Variants in CAB39L observed in about 807,000 individuals in gnomAD.
CAB39L encodes calcium binding protein 39 like, also known as calcium-binding protein 39-like.
CAB39L carries 23 observed loss-of-function variants against 39.1 expected under a neutral mutation model. The ratio of observed to expected loss-of-function variants is 0.59; its 90% CI spans 0.42 to 0.83. The LOEUF (loss-of-function observed/expected upper bound fraction) is 0.83, where lower values mean the gene tolerates loss of function less well. CAB39L is among the 40% of genes least tolerant of loss of function. CAB39L has a pLI of 0.00. For synonymous variants in CAB39L, 126 were observed against 137.2 expected (o/e 0.92, Z 0.57); for missense variants, 366 against 391.9 (o/e 0.93, Z 0.56).
At chr13:49,345,852 G>A (rs1269108170) in intron 7 of CAB39L, among the ~76,000 whole-genome samples, 1 of 151,804 alleles carries the variant, frequency 6.6e-6, no homozygotes, top group Non-Finnish European at 1.5e-5. Flanking sequence ...AGCGCACACA[G>A]CCCCAGTGGC....
At chr13:49,443,899 C>T in intron 1 of CAB39L, 87 bp downstream of exon 1, 2 of 456,728 alleles carry the variant, frequency 4.4e-6, no homozygotes, top group South Asian at 1.5e-5. Flanking sequence ...TCTCCGGACC[C>T]CTCCACTACG....
chr13:49,389,315 C>T, intron 3 of CAB39L, among the ~76,000 whole-genome samples: 1 of 152,154 alleles, frequency 6.6e-6, no homozygotes, highest in East Asian at 1.9e-4. Flanking sequence ...ATGGAACCAA[C>T]CTAAGTGTCC....
intron 5 of CAB39L, among the ~76,000 whole-genome samples, chr13:49,376,729 ATT>A (rs2138564537): frequency 6.6e-6 from 1 of 152,334 alleles, no homozygotes. Flanking sequence ...GTTACTTCTT[ATT>A]ATTACTTCTA....
At chr13:49,406,231 G>A (rs1956874813) in intron 3 of CAB39L, among the ~76,000 whole-genome samples, 1 of 148,462 alleles carries the variant, frequency 6.7e-6, no homozygotes, top group African/African-American at 2.5e-5. Flanking sequence ...GCAGTGGCGT[G>A]ATCTTGGCTC....
chr13:49,316,065 C>T (rs1954150280), intron 10 of CAB39L, among the ~76,000 whole-genome samples: 1 of 151,774 alleles, frequency 6.6e-6, no homozygotes, highest in Admixed American at 6.6e-5. Context: ...AATCAATGAA[C>T]CCAAAAGTTG....
In CAB39L at chr13:49,350,734, A is replaced by C; in HGVS notation, c.564+10T>G. On this transcript the variant is annotated intron_variant, in intron 7 of 10. Transcript: ENST00000409308. ...AAATTGACCTAGCTGAGTTGGAAAA[A>C]AAAAATTACCTTGAAAGTAGCAAAG... 6.5e-7 allele frequency: 1 copy of C among 1,530,774 alleles called. No individual in the cohort carries two copies. The allele number at this position is 1,530,774 out of a possible 1,614,324, so 94.8% of individuals were successfully genotyped here.
Position 49,443,495 on chromosome 13 carries a change from C to T in CAB39L, c.-246+491G>A, listed in dbSNP as rs147199782. On this transcript the variant is annotated intron_variant, in intron 1 of 10. Coordinates refer to ENST00000409308, the MANE Select transcript of CAB39L (RefSeq NM_001079670.3). ...TTAGCAGCCGCTCCCTCGAAAAGGA[C>T]GGAAGAGGAGGTCTCTTCTGAACCT... Among the ~76,000 whole-genome samples the T allele has an allele frequency of 2.3e-3, 350 of 152,260 alleles. 2 individuals are homozygous for T. The highest frequency in any genetic ancestry group is 8.1e-3 in the African/African-American group (337 of 41,554).
In CAB39L at chr13:49,419,214, C is replaced by T. The variant is rs143897535; in HGVS notation, c.-32+14104G>A. 2.5e-3 allele frequency among the ~76,000 whole-genome samples: 379 copies of T among 152,262 alleles called. 1 individual carries two copies. Among genetic ancestry groups the T allele is most frequent in the Admixed American group, 4.7e-3 (72 of 15,300 alleles). On this transcript the variant is annotated intron_variant, in intron 3 of 10. Transcript: ENST00000409308. Reference sequence around the variant, plus strand: ...AACTCCTGACCTCAAGTGATCCACCCGCCTCGGCCTCCCAAAGTGCTGGGA... The same window carrying T: ...AACTCCTGACCTCAAGTGATCCACCTGCCTCGGCCTCCCAAAGTGCTGGGA...
chr13:49,386,691 A>G (rs970416644), intron 3 of CAB39L, among the ~76,000 whole-genome samples: 8 of 152,048 alleles, frequency 5.3e-5, no homozygotes, highest in African/African-American at 1.9e-4. Context: ...TCATGCTCTT[A>G]AACTATGCTT....
chr13:49,437,981 C>G (rs191043371), intron 1 of CAB39L, among the ~76,000 whole-genome samples: 1 of 151,422 alleles, frequency 6.6e-6, no homozygotes, highest in Non-Finnish European at 1.5e-5. Flanking sequence ...TGTGCCACTA[C>G]GCCCAGTTAA....
At chr13:49,365,983 T>A (rs936042719) in intron 5 of CAB39L, among the ~76,000 whole-genome samples, 1 of 152,192 alleles carries the variant, frequency 6.6e-6, no homozygotes, top group African/African-American at 2.4e-5. Flanking sequence ...TAAAAAGGAA[T>A]GAGATTCTGT....
intron 10 of CAB39L, among the ~76,000 whole-genome samples, chr13:49,321,596 G>A (rs550979619): frequency 9.2e-5 from 14 of 152,316 alleles, no homozygotes; most frequent in East Asian, 3.9e-4. Context: ...GTGACTACAC[G>A]ACAGTATGGC....
Position 49,366,615 on chromosome 13 carries a change from G to A in CAB39L, c.277-6783C>T, listed in dbSNP as rs867039297. On this transcript the variant is annotated intron_variant, in intron 5 of 10. Coordinates refer to ENST00000409308, the MANE Select transcript of CAB39L (RefSeq NM_001079670.3). ...GCACTCCAGCCTGGGCAACAAGAGC[G>A]AAACTCTGTCTAAAAAAAAAAAAAA... 8.9e-3 allele frequency among the ~76,000 whole-genome samples: 769 copies of A among 86,064 alleles called. 7 individuals carry two copies. Among genetic ancestry groups the A allele is most frequent in the Middle Eastern group, 0.047 (3 of 64 alleles). The allele number at this position is 86,064 out of a possible 152,430, so 56.5% of individuals were successfully genotyped here. A position where few individuals can be genotyped will look rare whatever the true frequency, so the allele number is the denominator to read the frequency against.
chr13:49,333,800 C>T (rs1192569441), intron 9 of CAB39L, among the ~76,000 whole-genome samples: 3 of 151,860 alleles, frequency 2.0e-5, no homozygotes, highest in Admixed American at 6.6e-5. Flanking sequence ...TCTCGATCTC[C>T]TGACCTGGTG....
intron 6 of CAB39L, among the ~76,000 whole-genome samples, chr13:49,358,775 G>A (rs1037017597): frequency 6.6e-6 from 1 of 152,090 alleles, no homozygotes; most frequent in Non-Finnish European, 1.5e-5. Context: ...CAGGAGAACT[G>A]CTTGAACCCA....
chr13:49,396,181 A>T (rs907362501), intron 3 of CAB39L, among the ~76,000 whole-genome samples: 5 of 152,114 alleles, frequency 3.3e-5, no homozygotes, highest in African/African-American at 9.7e-5. Context: ...TTATATCTGA[A>T]GCCAAAAGAG....
chr13:49,328,152 G>T (rs9591253), intron 10 of CAB39L, among the ~76,000 whole-genome samples: 34,077 of 152,014 alleles, frequency 0.22, 3,906 homozygotes, highest in South Asian at 0.26. Context: ...GAGTTGAAGG[G>T]TATCCACAGC....
At chr13:49,382,675 C>A (rs1049722905) in intron 4 of CAB39L, 125 bp downstream of exon 4, 3 of 629,238 alleles carry the variant, frequency 4.8e-6, no homozygotes, top group Admixed American at 3.3e-5. Context: ...CAACTTAAAT[C>A]TATTTATAGA....
chr13:49,420,454 ACTT>A (rs1335507362), intron 3 of CAB39L: 2 of 152,242 alleles, frequency 1.3e-5, no homozygotes, highest in East Asian at 1.9e-4. Flanking sequence ...TCTGTTCTCC[ACTT>A]CTTCCCTAAC....
Sources: gnomAD v4.1 joint callset for allele counts (sites outside exome capture counted in the v4.1 genomes callset) on GRCh38, gnomAD v4.1.1 for gene constraint, MANE v1.5 for transcripts, NCBI Gene and HGNC (gene_info 2026-07-23, HGNC 2026-07-21) for gene names.